The following RIT2 variants were observed in gnomAD, a reference collection of about 807,000 sequenced individuals.
The protein encoded by RIT2 is GTP-binding protein Rit2.
In RIT2, 24 loss-of-function variants were observed where a neutral mutation model predicts 23.7. The observed-to-expected ratio is 1.01, with a 90% CI of 0.73 to 1.43. The LOEUF (loss-of-function observed/expected upper bound fraction) is 1.43, where lower values mean the gene tolerates loss of function less well. RIT2 is among the 40% of genes most tolerant of loss of function. RIT2 has a pLI of 0.00. For missense variants in RIT2, 236 were observed against 266.9 expected, an observed-to-expected ratio of 0.88 and a Z score of 0.81; for synonymous variants, 107 against 91.1, an observed-to-expected ratio of 1.17 and a Z score of -0.99.
Position 43,115,010 on chromosome 18 carries a change from T to C in RIT2, c.103+407A>G, listed in dbSNP as rs118174102. ...ATCAACACCCATCATCCCGAGTATA[T>C]GTCTGTGTTTGTAACTGTGTTTAAT... On this transcript the variant is annotated intron_variant, in intron 1 of 4. Coordinates refer to ENST00000326695, the MANE Select transcript of RIT2 (RefSeq NM_002930.4). Among the ~76,000 whole-genome samples, 1,180 of 152,290 alleles carry C rather than the reference T, an allele frequency of 7.7e-3. 31 individuals carry two copies. Among genetic ancestry groups the C allele is most frequent in the East Asian group, 0.067 (346 of 5,174 alleles).
chr18:42,935,917 G>C (rs1275392382), intron 3 of RIT2, among the ~76,000 whole-genome samples: 3 of 151,982 alleles, frequency 2.0e-5, no homozygotes, highest in African/African-American at 7.2e-5. Context: ...TTAGAGGCCA[G>C]AGTGGATTTG....
intron 4 of RIT2, among the ~76,000 whole-genome samples, chr18:42,774,389 C>T (rs1010459376): frequency 2.0e-5 from 3 of 152,020 alleles, no homozygotes; most frequent in African/African-American, 4.8e-5. Context: ...GGGGTAAATC[C>T]GTTATGTGTC....
intron 4 of RIT2, among the ~76,000 whole-genome samples, chr18:42,877,590 G>T (rs1354471528): frequency 6.6e-6 from 1 of 150,506 alleles, no homozygotes. Context: ...AGATTTATGT[G>T]TGTATATATG....
Position 42,743,629 on chromosome 18 carries a change from GCAT to G in RIT2, c.515_517del (p.Asp172del). 1 of 1,613,980 alleles carries G rather than the reference GCAT, an allele frequency of 6.2e-7. No homozygotes were observed. Among genetic ancestry groups the G allele is most frequent in the South Asian group, 1.1e-5 (1 of 91,072 alleles). On this transcript the variant is annotated inframe_deletion, in exon 5 of 5. Transcript: ENST00000326695. Reference sequence around the variant, plus strand: ...AATTTCCCTCACTAAGCCATGAAAAGCATCATCAATACAGAATCTGAGGGCTGC... The same window carrying G: ...AATTTCCCTCACTAAGCCATGAAAAGCATCAATACAGAATCTGAGGGCTGC...
At chr18:42,950,899 C>CAAAAA (rs546311282) in intron 3 of RIT2, among the ~76,000 whole-genome samples, 3 of 129,828 alleles carry the variant, frequency 2.3e-5, no homozygotes, top group African/African-American at 8.3e-5. Context: ...ATTAAAACAT[C>CAAAAA]AAAAAAAAAA....
chr18:42,795,723 T>C (rs1905330372), intron 4 of RIT2, among the ~76,000 whole-genome samples: 1 of 152,228 alleles, frequency 6.6e-6, no homozygotes, highest in Non-Finnish European at 1.5e-5. Context: ...AGAACCTTTA[T>C]GTCTAGCTCA....
At chr18:42,967,593 A>T (rs552704536) in intron 3 of RIT2, among the ~76,000 whole-genome samples, 2 of 121,450 alleles carry the variant, frequency 1.6e-5, no homozygotes, top group South Asian at 5.1e-4. Context: ...GGGTTTCACC[A>T]TGTTAGCCAG....
intron 4 of RIT2, among the ~76,000 whole-genome samples, chr18:42,793,856 A>C (rs181728039): frequency 1.3e-5 from 2 of 152,232 alleles, no homozygotes; most frequent in African/African-American, 4.8e-5. Context: ...ATTACTTGAT[A>C]GAGGAAGATG....
intron 4 of RIT2, among the ~76,000 whole-genome samples, chr18:42,920,202 T>C (rs1909019796): frequency 6.6e-6 from 1 of 152,138 alleles, no homozygotes; most frequent in Admixed American, 6.6e-5. Context: ...AGAAGCATGC[T>C]AGTATCTTGA....
intron 4 of RIT2, among the ~76,000 whole-genome samples, chr18:42,831,540 G>A (rs1427414447): frequency 6.6e-6 from 1 of 152,108 alleles, no homozygotes; most frequent in East Asian, 1.9e-4. Flanking sequence ...ACAGATAGGG[G>A]TGTAGTGTGT....
intron 4 of RIT2, among the ~76,000 whole-genome samples, chr18:42,874,729 C>A (rs1375253275): frequency 2.0e-5 from 3 of 152,016 alleles, no homozygotes; most frequent in Non-Finnish European, 4.4e-5. Flanking sequence ...AAATTGAAAA[C>A]CAACTTCCCT....
intron 1 of RIT2, among the ~76,000 whole-genome samples, chr18:43,105,046 T>TG (rs1300735626): frequency 2.2e-4 from 33 of 152,104 alleles, no homozygotes; most frequent in Non-Finnish European, 2.9e-5. Flanking sequence ...AGGCCCTTTG[T>TG]GGGCTATTGT....
intron 4 of RIT2, among the ~76,000 whole-genome samples, chr18:42,844,569 C>G (rs1006365026): frequency 1.3e-5 from 2 of 152,028 alleles, no homozygotes; most frequent in Non-Finnish European, 2.9e-5. Context: ...GTCATGCTGT[C>G]TTGCTGAAGT....
At chr18:42,764,997 C>G (rs1360758484) in intron 4 of RIT2, among the ~76,000 whole-genome samples, 1 of 152,252 alleles carries the variant, frequency 6.6e-6, no homozygotes, top group East Asian at 1.9e-4. Context: ...TTTAGGCACT[C>G]AGTATATCCT....
intron 4 of RIT2, among the ~76,000 whole-genome samples, chr18:42,757,817 A>ACC (rs1306945942): frequency 1.3e-5 from 2 of 151,954 alleles, no homozygotes; most frequent in Non-Finnish European, 2.9e-5. Flanking sequence ...AGATGCTCTC[A>ACC]CCCTCCTATT....
chr18:43,114,987 C>A (rs1193887218), intron 1 of RIT2, among the ~76,000 whole-genome samples: 1 of 152,166 alleles, frequency 6.6e-6, no homozygotes, highest in Admixed American at 6.5e-5. Flanking sequence ...ACACAACAAT[C>A]AACACCCATC....
At chr18:43,015,228 GA>G (rs1346908396) in intron 2 of RIT2, among the ~76,000 whole-genome samples, 1 of 151,604 alleles carries the variant, frequency 6.6e-6, no homozygotes, top group Admixed American at 6.6e-5. Flanking sequence ...AAATATTCTG[GA>G]GATAGAATCA....
intron 4 of RIT2, among the ~76,000 whole-genome samples, chr18:42,854,149 G>A (rs899870436): frequency 6.6e-6 from 1 of 152,046 alleles, no homozygotes; most frequent in Non-Finnish European, 1.5e-5. Flanking sequence ...CATGTCTTAC[G>A]CTACTTTGGT....
chr18:42,975,886 T>G (rs576688949), intron 2 of RIT2, among the ~76,000 whole-genome samples: 1 of 152,108 alleles, frequency 6.6e-6, no homozygotes, highest in Non-Finnish European at 1.5e-5. Flanking sequence ...TCAAGATCTT[T>G]CTTCTATTTT....
Sources: gnomAD v4.1 joint callset for allele counts (sites outside exome capture counted in the v4.1 genomes callset) on GRCh38, gnomAD v4.1.1 for gene constraint, MANE v1.5 for transcripts, NCBI Gene and HGNC (gene_info 2026-07-23, HGNC 2026-07-21) for gene names.